SPEF2: variants seen among roughly 807,000 people sequenced by gnomAD.
SPEF2 encodes sperm flagellar and cilia associated 2, also known as sperm flagella and cilia-associated protein 2.
A neutral mutation model predicts 224.6 loss-of-function variants in SPEF2; 187 were observed. The observed-to-expected ratio is 0.83, with a 90% CI of 0.74 to 0.94. The LOEUF is 0.94. Among genes scored for constraint, SPEF2 ranks in the 40% least tolerant of loss-of-function variants. The probability of loss-of-function intolerance (pLI) is 0.00; values close to 1 mark genes in which losing one functional copy is unlikely to be tolerated. For missense variants in SPEF2, 2,170 were observed against 2,135.6 expected (o/e 1.02, Z -0.32); for synonymous variants, 715 against 707.3 (o/e 1.01, Z -0.17).
At chr5:35,744,419 G>A (rs1028622328) in intron 23 of SPEF2, among the ~76,000 whole-genome samples, 1 of 152,084 alleles carries the variant, frequency 6.6e-6, no homozygotes, top group Non-Finnish European at 1.5e-5. Context: ...TTTATCCCTG[G>A]TAATATTCCT....
intron 21 of SPEF2, among the ~76,000 whole-genome samples, chr5:35,737,688 CTT>C (rs1323161935): frequency 6.6e-6 from 1 of 152,158 alleles, no homozygotes; most frequent in Non-Finnish European, 1.5e-5. Context: ...ATGCATGTGT[CTT>C]TATAGCAGCA....
At chr5:35,756,095 TAA>T (rs1265735070) in intron 24 of SPEF2, among the ~76,000 whole-genome samples, 1 of 152,172 alleles carries the variant, frequency 6.6e-6, no homozygotes, top group Non-Finnish European at 1.5e-5. Context: ...AAATAATTCA[TAA>T]GTTTTAAATT....
intron 4 of SPEF2, among the ~76,000 whole-genome samples, chr5:35,645,571 C>T (rs905505319): frequency 3.9e-5 from 6 of 152,062 alleles, no homozygotes; most frequent in Admixed American, 2.0e-4. Flanking sequence ...TTATATTCCC[C>T]TTTGGTGTTA....
At chr5:35,638,034 C>T (rs1335893251) in intron 2 of SPEF2, among the ~76,000 whole-genome samples, 1 of 152,162 alleles carries the variant, frequency 6.6e-6, no homozygotes, top group Admixed American at 6.5e-5. Flanking sequence ...TTTTATAACA[C>T]TGATCACTTT....
chr5:35,793,551 G>A (rs937129583), intron 32 of SPEF2, among the ~76,000 whole-genome samples: 1 of 152,138 alleles, frequency 6.6e-6, no homozygotes, highest in African/African-American at 2.4e-5. Context: ...GAAAAAGTCA[G>A]AACTTCCAGG....
intron 10 of SPEF2, among the ~76,000 whole-genome samples, chr5:35,673,620 C>A (rs1319505490): frequency 2.6e-5 from 4 of 152,166 alleles, no homozygotes; most frequent in Non-Finnish European, 5.9e-5. Context: ...TCATTTCCAG[C>A]ACATCATCCA....
intron 20 of SPEF2, among the ~76,000 whole-genome samples, chr5:35,719,567 T>C: frequency 6.6e-6 from 1 of 151,976 alleles, no homozygotes; most frequent in East Asian, 1.9e-4. Context: ...GTGGCCCTCT[T>C]CTCTTATGGT....
chr5:35,716,561 G>C (rs925175570), intron 20 of SPEF2, among the ~76,000 whole-genome samples: 2 of 151,992 alleles, frequency 1.3e-5, no homozygotes, highest in Non-Finnish European at 2.9e-5. Context: ...ATATACATTG[G>C]AGCCATGTAG....
intron 29 of SPEF2, 68 bp from the exon 30 acceptor site, chr5:35,779,049 A>C: frequency 1.6e-6 from 2 of 1,221,036 alleles, no homozygotes; most frequent in Non-Finnish European, 2.3e-6. Flanking sequence ...TATATGTCTT[A>C]TAAGCAAACT....
At position 35,771,662 on chromosome 5, in the gene SPEF2, A is replaced by G; in HGVS notation, c.3855A>G (p.Pro1285=). The G allele has an allele frequency of 6.2e-7, 1 of 1,612,150 alleles. No homozygotes were observed. Among genetic ancestry groups the G allele is most frequent in the South Asian group, 1.1e-5 (1 of 90,642 alleles). ...RLMEEEKENQ[P]ADPKEKSPQM... is the part of the protein sequence containing the mutation. ...TGGAAGAAGAAAAAGAAAACCAGCC[A>G]GCAGACCCCAAAGAAAAATCTCCTC... is the stretch of plus-strand genomic sequence containing the variant. Residue 1285 remains proline, a synonymous_variant, in exon 27 of 37, where the codon CCA becomes CCG. Coordinates refer to ENST00000356031, the MANE Select transcript of SPEF2 (RefSeq NM_024867.4).
chr5:35,790,055 T>G, intron 30 of SPEF2: 2 of 702,732 alleles, frequency 2.8e-6, no homozygotes, highest in Non-Finnish European at 5.2e-6. Context: ...TGACCTGGGA[T>G]TTTGTGAATT....
chr5:35,705,690 A>G lies in SPEF2; in HGVS notation c.2547A>G (p.Gln849=). 6.3e-7 allele frequency: 1 copy of G among 1,593,402 alleles called. No homozygotes were observed. The highest frequency in any genetic ancestry group is 8.5e-7 in the Non-Finnish European group (1 of 1,173,990). The change falls in exon 18 of 37, where the codon CAA becomes CAG. Residue 849 remains glutamine, a synonymous_variant. Coordinates refer to ENST00000356031, the MANE Select transcript of SPEF2 (RefSeq NM_024867.4). ...GFLDNWPLLE[Q]WFSEPENILI... is the part of the protein sequence containing the mutation. ...TGGACAACTGGCCTTTATTGGAGCA[A>G]TGGTTTTCAGAGCCAGAAAATATTT... is the stretch of plus-strand genomic sequence containing the variant.
At chr5:35,751,043 G>GTATATA (rs1306300327) in intron 23 of SPEF2, among the ~76,000 whole-genome samples, 1 of 27,672 alleles carries the variant, frequency 3.6e-5, no homozygotes, top group African/African-American at 1.1e-4. Context: ...ATACACATAT[G>GTATATA]TATATATATA....
At chr5:35,718,584 G>A (rs996581136) in intron 20 of SPEF2, among the ~76,000 whole-genome samples, 2 of 152,144 alleles carry the variant, frequency 1.3e-5, no homozygotes, top group African/African-American at 2.4e-5. Context: ...GAGTGCCAAA[G>A]CACCTTGCAC....
intron 21 of SPEF2, among the ~76,000 whole-genome samples, chr5:35,737,580 A>G (rs1208285066): frequency 6.6e-6 from 1 of 152,116 alleles, no homozygotes; most frequent in Non-Finnish European, 1.5e-5. Flanking sequence ...TCCATGGTGT[A>G]TATGTGCAAA....
At chr5:35,767,093 TATC>T (rs1752190188) in intron 26 of SPEF2, among the ~76,000 whole-genome samples, 1 of 151,784 alleles carries the variant, frequency 6.6e-6, no homozygotes. Flanking sequence ...ATTTATTAAA[TATC>T]ATTGTTTAAA....
intron 14 of SPEF2, 99 bp downstream of exon 14, chr5:35,695,895 C>A: frequency 4.9e-6 from 4 of 818,476 alleles, no homozygotes; most frequent in Non-Finnish European, 7.4e-6. Flanking sequence ...TTGCAATGTG[C>A]TCTTCTTTGG....
At chr5:35,691,371 T>C in intron 11 of SPEF2, 115 bp downstream of exon 11, 1 of 818,430 alleles carries the variant, frequency 1.2e-6, no homozygotes, top group South Asian at 1.8e-5. Flanking sequence ...TGTTGGGAAA[T>C]CTCTGTCATC....
At chr5:35,802,047 A>T (rs1051670683) in intron 34 of SPEF2, among the ~76,000 whole-genome samples, 2 of 151,558 alleles carry the variant, frequency 1.3e-5, no homozygotes, top group African/African-American at 4.9e-5. Flanking sequence ...CCTCATTCAT[A>T]TAGAAAAGAA....
Sources: allele counts gnomAD v4.1 joint callset (sites outside exome capture counted in the v4.1 genomes callset), GRCh38; gene constraint gnomAD v4.1.1; transcripts MANE v1.5; gene names NCBI Gene and HGNC (gene_info 2026-07-23, HGNC 2026-07-21).